STARD5: variants seen among roughly 807,000 people sequenced by gnomAD.
STARD5 encodes stAR-related lipid transfer protein 5.
Under a neutral mutation model 24.6 loss-of-function variants are expected in STARD5, and 26 were observed. That is an observed-to-expected ratio of 1.06 (90% CI 0.77 to 1.47). The LOEUF is 1.47. Ranked by LOEUF, STARD5 falls within the 40% of genes most tolerant of loss-of-function variation. The pLI is 0.00. For synonymous variants in STARD5, 101 were observed against 99.7 expected, an observed-to-expected ratio of 1.01 and a Z score of -0.07; for missense variants, 254 against 270.8, an observed-to-expected ratio of 0.94 and a Z score of 0.44.
intron 5 of STARD5, among the ~76,000 whole-genome samples, chr15:81,317,552 G>A (rs539862735): frequency 6.6e-6 from 1 of 152,256 alleles, no homozygotes; most frequent in East Asian, 1.9e-4. Flanking sequence ...TCTAAGAAAA[G>A]TCTTCACATG....
At chr15:81,316,157 G>A (rs768115533) in intron 5 of STARD5, among the ~76,000 whole-genome samples, 5 of 152,022 alleles carry the variant, frequency 3.3e-5, no homozygotes, top group African/African-American at 9.7e-5. Context: ...CCACCAACAC[G>A]CCCAAGACTC....
rs778663285 is a variant in STARD5 at position 81,319,424 on chromosome 15, G to A, written c.315C>T (p.Ser105=). The part of the protein sequence containing the change: ...TLCVSRTSTP[S]AAMKLISPRD... ...TGGGAGAAATGAGCTTCATGGCAGC[G>A]GAGGGAGTGGAGGTTCTGCTTACAC... is the stretch of plus-strand genomic sequence containing the variant. Residue 105 remains serine, a synonymous_variant, in exon 4 of 6, where the codon TCC becomes TCT. Coordinates refer to ENST00000302824, the MANE Select transcript of STARD5 (RefSeq NM_181900.3). 19 of 1,614,060 alleles carry A rather than the reference G, an allele frequency of 1.2e-5. No homozygotes were observed. Among genetic ancestry groups the A allele is most frequent in the South Asian group, 2.2e-5 (2 of 91,086 alleles).
chr15:81,324,030 T>C lies in STARD5; in HGVS notation c.70A>G (p.Thr24Ala), dbSNP rs756725669. 6.2e-7 allele frequency: 1 copy of C among 1,604,038 alleles called. No homozygotes were observed. Among genetic ancestry groups the C allele is most frequent in the Non-Finnish European group, 8.5e-7 (1 of 1,175,236 alleles). Residue 24 changes from threonine to alanine, a missense_variant, in exon 1 of 6, where the codon ACA (threonine) becomes GCA (alanine). Physicochemically the swap from Thr to Ala is moderately conservative, Grantham distance 58. Coordinates refer to ENST00000302824, the MANE Select transcript of STARD5 (RefSeq NM_181900.3). Reference protein sequence around the residue: ...AEKMLQYRRDTAGWKICREGN... With the variant: ...AEKMLQYRRDAAGWKICREGN... ...TCCCGGCAAATCTTCCAGCCTGCTG[T>C]GTCCCGCCGGTACTGGAGCATCTTC...
chr15:81,314,913 A>AG (rs1555426044), intron 5 of STARD5, among the ~76,000 whole-genome samples: 1 of 141,874 alleles, frequency 7.0e-6, no homozygotes, highest in East Asian at 2.0e-4. Context: ...AAAAAAAAAA[A>AG]AAGAATCTCA....
chr15:81,322,467 G>A lies in STARD5; in HGVS notation c.223C>T (p.Leu75=), dbSNP rs780723808. The A allele has an allele frequency of 6.2e-7, 1 of 1,614,190 alleles. No individual in the cohort carries two copies. The highest frequency in any genetic ancestry group is 1.1e-5 in the South Asian group (1 of 91,086). ...ACATTCTCATCCCACTTCACTCGTAGGCCTCCAACAGCTGGCTTCACACAG... is the reference window on the plus strand; with the variant it reads ...ACATTCTCATCCCACTTCACTCGTAAGCCTCCAACAGCTGGCTTCACACAG... ...WDCVKPAVGG[L]RVKWDENVTG... The change falls in exon 3 of 6, where the codon CTA becomes TTA. Residue 75 remains leucine, a synonymous_variant. Transcript: ENST00000302824.
In STARD5 at chr15:81,310,127, A is replaced by G. The variant is rs1169153941; in HGVS notation, c.*3129T>C. 6.6e-6 allele frequency: 1 copy of G among 152,258 alleles called. No homozygotes were observed. The highest frequency in any genetic ancestry group is 1.5e-5 in the Non-Finnish European group (1 of 68,064). 9.4% of individuals were successfully genotyped at this position (152,258 alleles called of 1,614,324 possible). The stretch of plus-strand genomic sequence containing the variant: ...CATCCCTTGACCAGGCCTGGGCCAG[A>G]GTATTGGTCTCCTCTCAGCCCCTGA... On this transcript the variant is annotated 3_prime_UTR_variant, in exon 6 of 6. Coordinates refer to ENST00000302824, the MANE Select transcript of STARD5 (RefSeq NM_181900.3).
At position 81,309,982 on chromosome 15, in the gene STARD5, CACA is replaced by C. The variant is rs1054334006; in HGVS notation, c.*3271_*3273del. On this transcript the variant is annotated 3_prime_UTR_variant, in exon 6 of 6. Transcript: ENST00000302824. ...CTATCAGCCCAAGATGCTTTAAGTG[CACA>C]ACATTACAGGGAATGCCTGAGTGCC... The C allele has an allele frequency of 3.3e-5, 5 of 152,202 alleles. No homozygotes were observed. The highest frequency in any genetic ancestry group is 2.1e-4 in the South Asian group (1 of 4,822). The allele number at this position is 152,202 out of a possible 1,614,324, so 9.4% of individuals were successfully genotyped here.
At chr15:81,321,387 G>T (rs1901191743) in intron 3 of STARD5, among the ~76,000 whole-genome samples, 1 of 151,890 alleles carries the variant, frequency 6.6e-6, no homozygotes, top group African/African-American at 2.4e-5. Flanking sequence ...CGAGGTGGGG[G>T]GATCATGAGG....
chr15:81,319,830 CTGACACT>C (rs1453522119), intron 3 of STARD5, among the ~76,000 whole-genome samples: 7 of 152,186 alleles, frequency 4.6e-5, no homozygotes, highest in African/African-American at 1.4e-4. Flanking sequence ...GGTGAGGAAA[CTGACACT>C]TAGAGAGACT....
chr15:81,314,692 T>G (rs147539124), intron 5 of STARD5, among the ~76,000 whole-genome samples: 8 of 151,780 alleles, frequency 5.3e-5, no homozygotes, highest in Non-Finnish European at 7.4e-5. Context: ...TCGAGACCAA[T>G]CTGGACAACA....
chr15:81,316,241 A>G, intron 5 of STARD5, among the ~76,000 whole-genome samples: 1 of 152,120 alleles, frequency 6.6e-6, no homozygotes, highest in East Asian at 1.9e-4. Context: ...TTTCCCTGGC[A>G]CCTTTATCTG....
chr15:81,319,395 T>C lies in STARD5; in HGVS notation c.344A>G (p.Asp115Gly). 6.2e-7 allele frequency: 1 copy of C among 1,614,132 alleles called. No individual in the cohort carries two copies. Among genetic ancestry groups the C allele is most frequent in the South Asian group, 1.1e-5 (1 of 91,076 alleles). Residue 115 changes from aspartate to glycine, a missense_variant, in exon 4 of 6, where the codon GAT becomes GGT. Transcript: ENST00000302824. ...CTTGACTAGCACCAAGTCCACAAAATCTCTGGGAGAAATGAGCTTCATGGC... is the reference window on the plus strand; with the variant it reads ...CTTGACTAGCACCAAGTCCACAAAACCTCTGGGAGAAATGAGCTTCATGGC... ...SAAMKLISPR[D>G]FVDLVLVKRY...
chr15:81,320,409 T>A (rs1342758862), intron 3 of STARD5, among the ~76,000 whole-genome samples: 2 of 152,184 alleles, frequency 1.3e-5, no homozygotes, highest in Non-Finnish European at 2.9e-5. Flanking sequence ...AGGAAACTAC[T>A]CCGTGTTTCC....
At chr15:81,322,582 A>G in intron 2 of STARD5, 42 bp from the exon 3 acceptor site, 3 of 1,613,176 alleles carry the variant, frequency 1.9e-6, no homozygotes, top group South Asian at 2.2e-5. Flanking sequence ...CATCAATCAA[A>G]CTTGTTATCT....
chr15:81,314,908 A>AAAAAAAAAAAAAAAAAAC (rs1567054860), intron 5 of STARD5, among the ~76,000 whole-genome samples: 1 of 146,168 alleles, frequency 6.8e-6, no homozygotes, highest in Non-Finnish European at 1.5e-5. Context: ...AAAAAAAAAA[A>AAAAAAAAAAAAAAAAAAC]AAAAAAAGAA....
chr15:81,320,911 C>A lies in STARD5; in HGVS notation c.283-1455G>T, dbSNP rs186201219. Among the ~76,000 whole-genome samples, 43 of 152,290 alleles carry A rather than the reference C, an allele frequency of 2.8e-4. 1 individual carries two copies. The East Asian group carries it at 6.0e-3, about 21-fold the overall frequency. ...ACAAACTCATGGCATGGCCCTGTAT[C>A]CTATCCATCCATCCACCTATCATCG... On this transcript the variant is annotated intron_variant, in intron 3 of 5. Coordinates refer to ENST00000302824, the MANE Select transcript of STARD5 (RefSeq NM_181900.3).
chr15:81,320,572 A>G (rs918778073), intron 3 of STARD5, among the ~76,000 whole-genome samples: 1 of 152,168 alleles, frequency 6.6e-6, no homozygotes, highest in African/African-American at 2.4e-5. Flanking sequence ...TGGCAAAGGG[A>G]CAATTAGGAG....
intron 1 of STARD5, chr15:81,323,305 G>A (rs1893325720): frequency 5.8e-6 from 2 of 347,672 alleles, no homozygotes; most frequent in Non-Finnish European, 1.1e-5. Flanking sequence ...GACAAAGAGA[G>A]GGGTTCATGC....
intron 2 of STARD5, 84 bp downstream of exon 2, chr15:81,322,815 T>C: frequency 1.9e-6 from 3 of 1,556,690 alleles, no homozygotes; most frequent in East Asian, 2.2e-5. Flanking sequence ...TAGGGTTGAT[T>C]TGAATATTTT....
Sources: gnomAD v4.1 joint callset for allele counts (sites outside exome capture counted in the v4.1 genomes callset) on GRCh38, gnomAD v4.1.1 for gene constraint, MANE v1.5 for transcripts, NCBI Gene and HGNC (gene_info 2026-07-23, HGNC 2026-07-21) for gene names.